DIAPH2: variants seen among roughly 807,000 people sequenced by gnomAD.
DIAPH2 encodes the protein diaphanous related formin 2, also known as protein diaphanous homolog 2.
DIAPH2 carries 35 observed loss-of-function variants against 92.7 expected under a neutral mutation model. The ratio of observed to expected loss-of-function variants is 0.38; its 90% confidence interval spans 0.29 to 0.50. The LOEUF is 0.50. DIAPH2 is among the 20% of genes least tolerant of loss of function. The pLI is 0.94. For synonymous variants in DIAPH2, 301 were observed against 280.4 expected, an observed-to-expected ratio of 1.07 and a Z score of -0.73; for missense variants, 701 against 819.5, an observed-to-expected ratio of 0.86 and a Z score of 1.77.
intron 23 of DIAPH2, among the ~76,000 whole-genome samples, chrX:97,271,813 GCACACACACA>G (rs780653047): frequency 0.012 from 1,127 of 91,538 alleles, 22 homozygotes; most frequent in African/African-American, 0.042. Flanking sequence ...ATATATATAT[GCACACACACA>G]CACACACACA....
Position 97,576,135 on chromosome X carries a change from T to C in DIAPH2, c.3242-23118T>C, listed in dbSNP as rs141572322. Among the ~76,000 whole-genome samples, 956 of 111,129 alleles carry C rather than the reference T, an allele frequency of 8.6e-3. 13 individuals carry two copies. The highest frequency in any genetic ancestry group is 0.03 in the African/African-American group (909 of 30,510). ...AAGGAAAAGGGGGTTGGAAATTCCC[T>C]TGGGCATGAGCTATTGACCATGCAC... On this transcript the variant is annotated intron_variant, in intron 26 of 26. Transcript: ENST00000324765.
At chrX:97,337,130 C>CTTTT (rs374498749) in intron 23 of DIAPH2, among the ~76,000 whole-genome samples, 1 of 99,166 alleles carries the variant, frequency 1.0e-5, no homozygotes, top group Non-Finnish European at 2.1e-5. Context: ...TCTTTCTTTT[C>CTTTT]TTTTTTTTTT....
chrX:96,749,141 A>AT (rs1328474233), intron 3 of DIAPH2, among the ~76,000 whole-genome samples: 34 of 79,083 alleles, frequency 4.3e-4, no homozygotes, highest in African/African-American at 1.8e-3. Context: ...AAAAAAAAAA[A>AT]AAAAATATAT....
chrX:97,458,112 T>C (rs1428286496), intron 26 of DIAPH2, among the ~76,000 whole-genome samples: 1 of 111,096 alleles, frequency 9.0e-6, no homozygotes, highest in Non-Finnish European at 1.9e-5. Flanking sequence ...TGTCATATTC[T>C]GCCAATCACA....
chrX:96,714,000 T>C (rs981007375), intron 1 of DIAPH2, among the ~76,000 whole-genome samples: 1 of 111,730 alleles, frequency 9.0e-6, no homozygotes, highest in African/African-American at 3.3e-5. Flanking sequence ...GGTAAATGAG[T>C]GCTATTGCTG....
intron 4 of DIAPH2, among the ~76,000 whole-genome samples, chrX:96,818,731 T>G (rs1368893256): frequency 8.9e-6 from 1 of 112,297 alleles, no homozygotes; most frequent in Admixed American, 9.4e-5. Context: ...TTGTTATTTG[T>G]TTTTGTGATT....
At chrX:97,190,315 G>A (rs2067642262) in intron 22 of DIAPH2, among the ~76,000 whole-genome samples, 3 of 112,666 alleles carry the variant, frequency 2.7e-5, no homozygotes, top group Admixed American at 9.4e-5. Flanking sequence ...AGGATATTAC[G>A]CCAGTCCAGA....
chrX:97,064,514 C>G (rs1261131528), intron 17 of DIAPH2, among the ~76,000 whole-genome samples: 1 of 110,405 alleles, frequency 9.1e-6, no homozygotes, highest in Admixed American at 9.7e-5. Context: ...CCCCACCCCC[C>G]TCAACACCAT....
intron 26 of DIAPH2, among the ~76,000 whole-genome samples, chrX:97,494,476 A>C (rs1337186423): frequency 8.9e-6 from 1 of 112,101 alleles, no homozygotes; most frequent in Non-Finnish European, 1.9e-5. Context: ...GCCTATTCAT[A>C]GATCTCCATT....
chrX:97,409,455 G>A (rs950272871), intron 25 of DIAPH2, among the ~76,000 whole-genome samples: 1 of 111,238 alleles, frequency 9.0e-6, no homozygotes, highest in Non-Finnish European at 1.9e-5. Context: ...TAGAGTGATC[G>A]ACACAGAAGA....
chrX:96,968,305 G>A (rs1191545958), intron 17 of DIAPH2, among the ~76,000 whole-genome samples: 1 of 110,693 alleles, frequency 9.0e-6, no homozygotes, highest in Non-Finnish European at 1.9e-5. Flanking sequence ...TGCAATCTCC[G>A]CCTCCTGGGT....
intron 23 of DIAPH2, among the ~76,000 whole-genome samples, chrX:97,330,701 T>TG (rs770923574): frequency 9.1e-6 from 1 of 110,409 alleles, no homozygotes; most frequent in East Asian, 2.9e-4. Flanking sequence ...TTAGTAGAGA[T>TG]GGGGTCTCAC....
intron 4 of DIAPH2, among the ~76,000 whole-genome samples, chrX:96,813,039 G>T (rs190744149): frequency 9.0e-6 from 1 of 111,669 alleles, no homozygotes; most frequent in East Asian, 2.8e-4. Flanking sequence ...TATTAGGTCT[G>T]CTTGGTGCAG....
intron 23 of DIAPH2, among the ~76,000 whole-genome samples, chrX:97,275,314 G>T (rs949969940): frequency 2.4e-4 from 3 of 12,556 alleles, no homozygotes; most frequent in Non-Finnish European, 4.5e-4. Flanking sequence ...CTGGCCCGGC[G>T]GGGGCTGTCC....
chrX:97,101,322 A>G (rs2066904695), intron 20 of DIAPH2, among the ~76,000 whole-genome samples: 1 of 110,841 alleles, frequency 9.0e-6, no homozygotes, highest in Non-Finnish European at 1.9e-5. Context: ...TTCAAGAGGC[A>G]TATCCTTGGT....
At chrX:97,334,687 CAA>C (rs1258707312) in intron 23 of DIAPH2, among the ~76,000 whole-genome samples, 1 of 95,839 alleles carries the variant, frequency 1.0e-5, no homozygotes, top group Non-Finnish European at 2.1e-5. Flanking sequence ...CAAAACAAAA[CAA>C]AAAAAAAAAC....
chrX:97,214,687 C>T (rs1200189030), intron 22 of DIAPH2, among the ~76,000 whole-genome samples: 3 of 107,267 alleles, frequency 2.8e-5, no homozygotes, highest in African/African-American at 1.0e-4. Context: ...CAAAATTAGG[C>T]GGGCAGGGTT....
intron 26 of DIAPH2, among the ~76,000 whole-genome samples, chrX:97,535,194 T>C (rs1448353313): frequency 8.9e-6 from 1 of 112,238 alleles, no homozygotes; most frequent in Non-Finnish European, 1.9e-5. Flanking sequence ...TGATGACTTA[T>C]CAATGTTGGT....
chrX:97,403,083 G>T (rs1276149564), intron 25 of DIAPH2, among the ~76,000 whole-genome samples: 4 of 111,811 alleles, frequency 3.6e-5, no homozygotes, highest in African/African-American at 1.3e-4. Context: ...TGAGAGCAGG[G>T]CCCTATGTGA....
Sources: allele counts gnomAD v4.1 joint callset (sites outside exome capture counted in the v4.1 genomes callset), GRCh38; gene constraint gnomAD v4.1.1; transcripts MANE v1.5; gene names NCBI Gene and HGNC (gene_info 2026-07-23, HGNC 2026-07-21).